The following PTPRJ variants were observed in gnomAD, a reference collection of about 807,000 sequenced individuals.
The protein encoded by PTPRJ is receptor-type tyrosine-protein phosphatase eta.
PTPRJ carries 129 observed loss-of-function variants against 141.3 expected under a neutral mutation model. The ratio of observed to expected loss-of-function variants is 0.91; its 90% CI spans 0.79 to 1.06. The LOEUF is 1.06. PTPRJ is among the 50% of genes least tolerant of loss of function. The pLI is 0.00. For synonymous variants in PTPRJ, 610 were observed against 640.5 expected (o/e 0.95, Z 0.72); for missense variants, 1,601 against 1,679.7 (o/e 0.95, Z 0.82).
chr11:47,988,842 CAT>C (rs1374273001), intron 1 of PTPRJ, among the ~76,000 whole-genome samples: 1 of 146,014 alleles, frequency 6.8e-6, no homozygotes, highest in African/African-American at 2.6e-5. Flanking sequence ...AAAATTTTTA[CAT>C]GTTTGCTAGT....
intron 1 of PTPRJ, among the ~76,000 whole-genome samples, chr11:48,010,475 C>T (rs1375892177): frequency 1.3e-5 from 2 of 151,648 alleles, no homozygotes; most frequent in African/African-American, 4.8e-5. Flanking sequence ...ACTGCGCGGC[C>T]CATTAGGTGC....
At chr11:48,106,763 CTTTTTTTTTTTT>C (rs35643138) in intron 1 of PTPRJ, among the ~76,000 whole-genome samples, 6 of 86,440 alleles carry the variant, frequency 6.9e-5, no homozygotes, top group Non-Finnish European at 1.1e-4. Flanking sequence ...TTCTTTCTTT[CTTTTTTTTTTTT>C]TTTTTTTTTT....
chr11:48,121,764 A>G (rs899816756), intron 4 of PTPRJ, among the ~76,000 whole-genome samples: 1 of 152,242 alleles, frequency 6.6e-6, no homozygotes, highest in East Asian at 1.9e-4. Context: ...TTAGATGTCA[A>G]TACCGAAGCC....
intron 1 of PTPRJ, among the ~76,000 whole-genome samples, chr11:48,091,356 C>G (rs1855862126): frequency 6.6e-6 from 1 of 152,144 alleles, no homozygotes; most frequent in South Asian, 2.1e-4. Context: ...CTTGCTATTG[C>G]CCTAATATCA....
At chr11:48,110,370 C>A (rs372821974) in intron 2 of PTPRJ, among the ~76,000 whole-genome samples, 1 of 152,224 alleles carries the variant, frequency 6.6e-6, no homozygotes, top group East Asian at 1.9e-4. Context: ...CCATGTCCGG[C>A]TAATTTTTTG....
At chr11:48,023,482 T>C (rs1590411872) in intron 1 of PTPRJ, among the ~76,000 whole-genome samples, 1 of 152,212 alleles carries the variant, frequency 6.6e-6, no homozygotes, top group East Asian at 1.9e-4. Flanking sequence ...ACTTCATTCT[T>C]ATTAAAGTGG....
At position 48,127,884 on chromosome 11, in the gene PTPRJ, A is replaced by G; in HGVS notation, c.1198A>G (p.Lys400Glu). The G allele has an allele frequency of 6.2e-7, 1 of 1,614,176 alleles. No homozygotes were observed. Among genetic ancestry groups the G allele is most frequent in the Non-Finnish European group, 8.5e-7 (1 of 1,180,010 alleles). ...DNESSSNYTYKIHVAGETDSS... is the reference protein window; with the variant it reads ...DNESSSNYTYEIHVAGETDSS... ...CGAGTCGTCATCTAACTATACCTACAAGATACATGTGGCGGGGGAGACAGA... is the reference window on the plus strand; with the variant it reads ...CGAGTCGTCATCTAACTATACCTACGAGATACATGTGGCGGGGGAGACAGA... Residue 400 changes from lysine to glutamate, a missense_variant, in exon 7 of 25, where the codon AAG (lysine) becomes GAG (glutamate). Physicochemically the swap from Lys to Glu is moderately conservative, Grantham distance 56 (BLOSUM62 1). Coordinates refer to ENST00000418331, the MANE Select transcript of PTPRJ (RefSeq NM_002843.4).
intron 1 of PTPRJ, among the ~76,000 whole-genome samples, chr11:48,069,536 G>A (rs1487425849): frequency 7.0e-5 from 10 of 143,174 alleles, no homozygotes; most frequent in African/African-American, 1.3e-4. Context: ...TGCAAGCTCC[G>A]CCTCCTGGGT....
intron 1 of PTPRJ, among the ~76,000 whole-genome samples, chr11:48,045,730 A>G (rs1218120215): frequency 6.6e-6 from 1 of 152,148 alleles, no homozygotes; most frequent in Non-Finnish European, 1.5e-5. Flanking sequence ...TTGTTGGGTC[A>G]GGGCAGGTGG....
Position 48,170,257 on chromosome 11 carries a change from G to A in PTPRJ, c.*2895G>A, listed in dbSNP as rs566040638. 6.6e-6 allele frequency: 1 copy of A among 152,284 alleles called. No homozygotes were observed. The highest frequency in any genetic ancestry group is 6.5e-5 in the Admixed American group (1 of 15,296). The allele number at this position is 152,284 out of a possible 1,614,324, so 9.4% of individuals were successfully genotyped here. On this transcript the variant is annotated 3_prime_UTR_variant, in exon 25 of 25. Transcript: ENST00000418331. Reference sequence around the variant, plus strand: ...ATTGATAGCATCTCCCAGGAACAACGACTTTTTGCCTCCAAAGTTGGATCT... The same window carrying A: ...ATTGATAGCATCTCCCAGGAACAACAACTTTTTGCCTCCAAAGTTGGATCT...
intron 1 of PTPRJ, among the ~76,000 whole-genome samples, chr11:47,985,783 C>G (rs1184121795): frequency 6.6e-6 from 1 of 152,110 alleles, no homozygotes; most frequent in African/African-American, 2.4e-5. Context: ...TCACTGCAAC[C>G]TCCATCTCCC....
intron 1 of PTPRJ, among the ~76,000 whole-genome samples, chr11:48,029,981 G>A (rs1047981327): frequency 6.6e-6 from 1 of 152,062 alleles, no homozygotes; most frequent in African/African-American, 2.4e-5. Context: ...CGGTAAGACA[G>A]GGGGAAATTT....
intron 1 of PTPRJ, among the ~76,000 whole-genome samples, chr11:47,987,763 CAG>C (rs1854088009): frequency 6.6e-6 from 1 of 152,138 alleles, no homozygotes; most frequent in African/African-American, 2.4e-5. Flanking sequence ...CCTCGGAGGA[CAG>C]GGGCTGTAGG....
chr11:48,071,607 C>CATTTT (rs777790920), intron 1 of PTPRJ, among the ~76,000 whole-genome samples: 1 of 82,450 alleles, frequency 1.2e-5, no homozygotes, highest in African/African-American at 4.6e-5. Context: ...CGCACCCAGC[C>CATTTT]TTTTTTTTTT....
chr11:48,084,816 A>T (rs1162810725), intron 1 of PTPRJ, among the ~76,000 whole-genome samples: 5 of 152,124 alleles, frequency 3.3e-5, no homozygotes, highest in Admixed American at 1.3e-4. Flanking sequence ...TCTTGAGGGG[A>T]TTGCCTTTTT....
At chr11:48,132,299 G>T in intron 8 of PTPRJ, 2 of 983,066 alleles carry the variant, frequency 2.0e-6, no homozygotes, top group Non-Finnish European at 2.4e-6. Flanking sequence ...TACTTGAGAG[G>T]CTGCGGCAGG....
chr11:48,075,597 T>TG (rs963492955), intron 1 of PTPRJ, among the ~76,000 whole-genome samples: 1 of 150,980 alleles, frequency 6.6e-6, no homozygotes, highest in Non-Finnish European at 1.5e-5. Context: ...TAAATTTTTT[T>TG]TGTGTGTGTG....
In PTPRJ at chr11:47,980,783, G is replaced by C; in HGVS notation, c.-130G>C. The C allele has an allele frequency of 1.9e-6, 2 of 1,031,304 alleles. No individual in the cohort carries two copies. Among genetic ancestry groups the C allele is most frequent in the Non-Finnish European group, 2.3e-6 (2 of 862,232 alleles). 63.9% of individuals were successfully genotyped at this position (1,031,304 alleles called of 1,614,324 possible). A position where few individuals can be genotyped will look rare whatever the true frequency, so the allele number is the denominator to read the frequency against. On this transcript the variant is annotated 5_prime_UTR_variant, in exon 1 of 25. Coordinates refer to ENST00000418331, the MANE Select transcript of PTPRJ (RefSeq NM_002843.4). ...GGAAGCCCGGGGCGGGCGGAGCGGGGACGAGGCGGACCGGCTGGCGGAGGA... is the reference window on the plus strand; with the variant it reads ...GGAAGCCCGGGGCGGGCGGAGCGGGCACGAGGCGGACCGGCTGGCGGAGGA...
chr11:48,121,301 C>T (rs1434389277), intron 4 of PTPRJ, 35 bp downstream of exon 4: 14 of 1,604,450 alleles, frequency 8.7e-6, no homozygotes, highest in Admixed American at 1.7e-5. Flanking sequence ...GATGACAAAC[C>T]ATTTCTTATT....
Sources: allele counts gnomAD v4.1 joint callset (sites outside exome capture counted in the v4.1 genomes callset), GRCh38; gene constraint gnomAD v4.1.1; transcripts MANE v1.5; gene names NCBI Gene and HGNC (gene_info 2026-07-23, HGNC 2026-07-21).